Variants in FAF1 observed in about 807,000 individuals in gnomAD.
FAF1 encodes the protein FAS-associated factor 1.
In FAF1, 25 loss-of-function variants were observed where a neutral mutation model predicts 92.5. That is an observed-to-expected ratio of 0.27 (90% CI 0.20 to 0.38). FAF1 has a LOEUF of 0.38. Ranked by LOEUF, FAF1 falls within the 10% of genes least tolerant of loss-of-function variation. The probability of loss-of-function intolerance (pLI) is 1.00; values close to 1 mark genes in which losing one functional copy is unlikely to be tolerated. For missense variants in FAF1, 636 were observed against 793.3 expected (o/e 0.80, Z 2.38); for synonymous variants, 234 against 273.2 (o/e 0.86, Z 1.42).
At chr1:50,792,090 C>G (rs1278999404) in intron 3 of FAF1, among the ~76,000 whole-genome samples, 1 of 152,190 alleles carries the variant, frequency 6.6e-6, no homozygotes, top group African/African-American at 2.4e-5. Context: ...AACCATATGA[C>G]TGTCTGACTT....
chr1:50,597,350 G>A (rs894453746), intron 8 of FAF1, among the ~76,000 whole-genome samples: 1 of 151,826 alleles, frequency 6.6e-6, no homozygotes, highest in African/African-American at 2.4e-5. Context: ...ATTAACACAA[G>A]AGTAGTTATC....
intron 17 of FAF1, among the ~76,000 whole-genome samples, chr1:50,478,073 G>A (rs1231144149): frequency 6.6e-5 from 10 of 151,974 alleles, no homozygotes; most frequent in Non-Finnish European, 1.2e-4. Context: ...GAAACCATGA[G>A]TTGCTTGTAA....
chr1:50,704,005 T>C (rs924767636), intron 7 of FAF1, among the ~76,000 whole-genome samples: 1 of 152,182 alleles, frequency 6.6e-6, no homozygotes, highest in African/African-American at 2.4e-5. Context: ...AATAAATATA[T>C]GCCACTACTT....
intron 7 of FAF1, among the ~76,000 whole-genome samples, chr1:50,698,062 C>T (rs1480356381): frequency 6.6e-6 from 1 of 152,028 alleles, no homozygotes; most frequent in African/African-American, 2.4e-5. Flanking sequence ...TACATGCAGG[C>T]CTTATCTTAA....
intron 8 of FAF1, among the ~76,000 whole-genome samples, chr1:50,626,959 T>C (rs1186841648): frequency 2.6e-5 from 4 of 152,150 alleles, no homozygotes; most frequent in Non-Finnish European, 5.9e-5. Context: ...ATAACTCTTA[T>C]CTTGCTTGTG....
intron 13 of FAF1, among the ~76,000 whole-genome samples, chr1:50,559,165 T>C (rs1048262370): frequency 1.3e-5 from 2 of 151,754 alleles, no homozygotes; most frequent in Non-Finnish European, 2.9e-5. Flanking sequence ...ACAGGAGAAT[T>C]GCTTGAACCC....
chr1:50,869,438 TA>T (rs1217471147), intron 1 of FAF1, among the ~76,000 whole-genome samples: 1 of 152,194 alleles, frequency 6.6e-6, no homozygotes, highest in African/African-American at 2.4e-5. Context: ...TTTTAGTGCT[TA>T]TTTTTTATTT....
intron 12 of FAF1, among the ~76,000 whole-genome samples, chr1:50,575,421 A>G (rs1650681164): frequency 1.3e-5 from 2 of 152,188 alleles, no homozygotes; most frequent in South Asian, 2.1e-4. Context: ...TATAAACTAT[A>G]TCAGCTTTTT....
chr1:50,437,376 ACCTT>A lies in FAF1; in HGVS notation c.*4060_*4063del, dbSNP rs1272826284. 1 of 148,612 alleles carries A rather than the reference ACCTT, an allele frequency of 6.7e-6. No individual in the cohort carries two copies. Among genetic ancestry groups the A allele is most frequent in the Non-Finnish European group, 1.5e-5 (1 of 67,342 alleles). The allele number at this position is 148,612 out of a possible 1,614,324, so 9.2% of individuals were successfully genotyped here. A position where few individuals can be genotyped will look rare whatever the true frequency, so the allele number is the denominator to read the frequency against. The stretch of plus-strand genomic sequence containing the variant: ...CCCTTTCCAGGAAAATACATGTTTA[ACCTT>A]TCTTTTTTTTTTTTTTTTAAAGAGA... On this transcript the variant is annotated 3_prime_UTR_variant, in exon 19 of 19. Coordinates refer to ENST00000396153, the MANE Select transcript of FAF1 (RefSeq NM_007051.3).
At chr1:50,720,003 T>G (rs1014933183) in intron 6 of FAF1, among the ~76,000 whole-genome samples, 1 of 151,648 alleles carries the variant, frequency 6.6e-6, no homozygotes, top group African/African-American at 2.4e-5. Context: ...AAACACACTT[T>G]TTTTTTTTTT....
chr1:50,618,483 G>A (rs576723933), intron 8 of FAF1, among the ~76,000 whole-genome samples: 7 of 139,470 alleles, frequency 5.0e-5, no homozygotes, highest in African/African-American at 1.9e-4. Context: ...GGCAGGTCTC[G>A]AACTCCTGAC....
At chr1:50,863,769 C>G (rs184793680) in intron 1 of FAF1, among the ~76,000 whole-genome samples, 10,033 of 151,758 alleles carry the variant, frequency 0.066, 406 homozygotes, top group East Asian at 0.095. Flanking sequence ...AATAGTTTCA[C>G]AAGGAATGGT....
At chr1:50,476,882 T>C (rs1646644990) in intron 17 of FAF1, among the ~76,000 whole-genome samples, 1 of 152,100 alleles carries the variant, frequency 6.6e-6, no homozygotes, top group Non-Finnish European at 1.5e-5. Context: ...ATATAACTAG[T>C]CAGCTTATAA....
Position 50,582,646 on chromosome 1 carries a change from T to A in FAF1, c.1085A>T (p.Gln362Leu). The A allele has an allele frequency of 1.2e-6, 2 of 1,613,132 alleles. No homozygotes were observed. The highest frequency in any genetic ancestry group is 1.7e-6 in the Non-Finnish European group (2 of 1,179,218). The change falls in exon 12 of 19, where the codon CAA becomes CTA. Residue 362 changes from glutamine (Q) to leucine (L), a missense_variant. By Grantham distance (113) the Gln-to-Leu change is moderately radical. Coordinates refer to ENST00000396153, the MANE Select transcript of FAF1 (RefSeq NM_007051.3). ...TCGGGCTTTCACATAGAAGGCCTCTTGAAAAGCAGCTTCTAATGAGCCAAT... is the reference window on the plus strand; with the variant it reads ...TCGGGCTTTCACATAGAAGGCCTCTAGAAAAGCAGCTTCTAATGAGCCAAT... ...FFIGSLEAAF[Q>L]EAFYVKARDR...
At chr1:50,757,039 GTTGT>G (rs530672210) in intron 4 of FAF1, among the ~76,000 whole-genome samples, 67 of 152,288 alleles carry the variant, frequency 4.4e-4, no homozygotes, top group African/African-American at 1.5e-3. Context: ...TTAGGAATAT[GTTGT>G]TTAATTTCCA....
intron 18 of FAF1, among the ~76,000 whole-genome samples, chr1:50,446,465 G>C (rs1043131157): frequency 6.6e-6 from 1 of 152,104 alleles, no homozygotes; most frequent in Non-Finnish European, 1.5e-5. Context: ...TCAACCAGTA[G>C]GTAAATGTTC....
At chr1:50,519,049 C>T (rs1329236454) in intron 15 of FAF1, among the ~76,000 whole-genome samples, 2 of 151,900 alleles carry the variant, frequency 1.3e-5, no homozygotes, top group Non-Finnish European at 1.5e-5. Flanking sequence ...ATAGTTTTCA[C>T]GGCCAGGCAC....
At chr1:50,916,446 T>C (rs984380523) in intron 1 of FAF1, among the ~76,000 whole-genome samples, 1 of 152,212 alleles carries the variant, frequency 6.6e-6, no homozygotes, top group Non-Finnish European at 1.5e-5. Flanking sequence ...CTCGATTTCA[T>C]AATAATGATG....
At chr1:50,948,040 T>C (rs145882984) in intron 1 of FAF1, among the ~76,000 whole-genome samples, 5 of 152,240 alleles carry the variant, frequency 3.3e-5, no homozygotes, top group African/African-American at 1.2e-4. Context: ...ACTGACAATC[T>C]AACATAAGAC....
Sources: gnomAD v4.1 joint callset for allele counts (sites outside exome capture counted in the v4.1 genomes callset) on GRCh38, gnomAD v4.1.1 for gene constraint, MANE v1.5 for transcripts, NCBI Gene and HGNC (gene_info 2026-07-23, HGNC 2026-07-21) for gene names.